The following PRKCA variants were observed in gnomAD, a reference collection of about 807,000 sequenced individuals.
PRKCA encodes protein kinase C alpha.
A neutral mutation model predicts 87.0 loss-of-function variants in PRKCA; 27 were observed. The observed-to-expected ratio is 0.31, with a 90% CI of 0.23 to 0.43. The LOEUF (loss-of-function observed/expected upper bound fraction) is 0.43. PRKCA is among the 20% of genes least tolerant of loss of function. The pLI, the probability that PRKCA is intolerant of heterozygous loss-of-function variation, is 1.00. For missense variants in PRKCA, 518 were observed against 852.3 expected (o/e 0.61, Z 4.88); for synonymous variants, 329 against 311.1 (o/e 1.06, Z -0.61).
intron 8 of PRKCA, among the ~76,000 whole-genome samples, chr17:66,721,431 G>A (rs1046266014): frequency 3.3e-5 from 5 of 151,624 alleles, no homozygotes; most frequent in African/African-American, 1.2e-4. Flanking sequence ...TACTCCATAG[G>A]CAGAGCAACC....
At chr17:66,503,457 G>A (rs925619315) in intron 3 of PRKCA, among the ~76,000 whole-genome samples, 3 of 152,110 alleles carry the variant, frequency 2.0e-5, no homozygotes, top group Non-Finnish European at 4.4e-5. Flanking sequence ...TAAAAGATAG[G>A]GAGGCTTGCT....
intron 16 of PRKCA, chr17:66,796,766 A>G (rs1055782156): frequency 7.1e-6 from 7 of 985,396 alleles, no homozygotes; most frequent in Non-Finnish European, 8.4e-6. Flanking sequence ...ACCACAAGTC[A>G]GAGAGCTGTG....
At chr17:66,655,883 A>C (rs1351314439) in intron 5 of PRKCA, among the ~76,000 whole-genome samples, 1 of 152,198 alleles carries the variant, frequency 6.6e-6, no homozygotes, top group African/African-American at 2.4e-5. Flanking sequence ...GATCCTTTAG[A>C]GAAACATCTA....
At chr17:66,770,898 A>G (rs891714997) in intron 13 of PRKCA, among the ~76,000 whole-genome samples, 1 of 152,158 alleles carries the variant, frequency 6.6e-6, no homozygotes, top group Non-Finnish European at 1.5e-5. Flanking sequence ...GTGTCTGGGA[A>G]GATAACTGGG....
chr17:66,333,787 T>C (rs1372440793), intron 2 of PRKCA, among the ~76,000 whole-genome samples: 1 of 152,144 alleles, frequency 6.6e-6, no homozygotes, highest in East Asian at 1.9e-4. Context: ...CTAGTCTTTC[T>C]TCCTACTGGA....
chr17:66,589,134 A>G (rs189691343), intron 3 of PRKCA, among the ~76,000 whole-genome samples: 22 of 152,232 alleles, frequency 1.4e-4, no homozygotes, highest in Admixed American at 1.4e-3. Context: ...TATGACCCAT[A>G]AAAGACTTAG....
chr17:66,765,454 A>ATATATATC lies in PRKCA; in HGVS notation c.1525-8532_1525-8531insATATATCT, dbSNP rs1218360664. 8.9e-3 allele frequency among the ~76,000 whole-genome samples: 1,155 copies of ATATATATC among 129,950 alleles called. 23 individuals carry two copies. The highest frequency in any genetic ancestry group is 0.011 in the African/African-American group (365 of 34,692). 85.3% of individuals were successfully genotyped at this position (129,950 alleles called of 152,430 possible). Reference sequence around the variant, plus strand: ...TATATATATATATATATATATATATATCCATATATATACATATTTGTCCAT... The same window carrying ATATATATC: ...TATATATATATATATATATATATATATATATATCTCCATATATATACATATTTGTCCAT... On this transcript the variant is annotated intron_variant, in intron 13 of 16. Coordinates refer to ENST00000413366, the MANE Select transcript of PRKCA (RefSeq NM_002737.3).
chr17:66,524,644 A>G (rs139523551), intron 3 of PRKCA, among the ~76,000 whole-genome samples: 33 of 152,252 alleles, frequency 2.2e-4, no homozygotes, highest in African/African-American at 7.5e-4. Flanking sequence ...CTTGCCTTTT[A>G]TGGGCCAGGT....
intron 2 of PRKCA, among the ~76,000 whole-genome samples, chr17:66,320,549 G>T (rs1168936523): frequency 6.6e-6 from 1 of 152,010 alleles, no homozygotes; most frequent in African/African-American, 2.4e-5. Flanking sequence ...ATAATTTATA[G>T]GTGAACAGTC....
At chr17:66,698,743 G>A (rs1972988751) in intron 8 of PRKCA, among the ~76,000 whole-genome samples, 1 of 151,474 alleles carries the variant, frequency 6.6e-6, no homozygotes, top group Admixed American at 6.6e-5. Context: ...GGAGACTGAG[G>A]CAGGTGGATC....
At chr17:66,385,413 A>G (rs547568134) in intron 2 of PRKCA, among the ~76,000 whole-genome samples, 1 of 152,198 alleles carries the variant, frequency 6.6e-6, no homozygotes, top group South Asian at 2.1e-4. Context: ...TCATCCACAC[A>G]TAGATGTGGG....
At chr17:66,520,354 C>G (rs921155681) in intron 3 of PRKCA, among the ~76,000 whole-genome samples, 1 of 152,022 alleles carries the variant, frequency 6.6e-6, no homozygotes, top group Non-Finnish European at 1.5e-5. Context: ...CTCCTGACCT[C>G]AGGTGATCCA....
chr17:66,664,091 C>T (rs1971978087), intron 5 of PRKCA, among the ~76,000 whole-genome samples: 1 of 152,130 alleles, frequency 6.6e-6, no homozygotes, highest in African/African-American at 2.4e-5. Context: ...AGGTCTCGAA[C>T]TCCTGGCCTC....
intron 2 of PRKCA, among the ~76,000 whole-genome samples, chr17:66,339,525 T>C (rs1906909779): frequency 6.6e-6 from 1 of 152,208 alleles, no homozygotes; most frequent in African/African-American, 2.4e-5. Flanking sequence ...ACAGTTTTCC[T>C]AGAGTTATTG....
rs1974931426 is a variant in PRKCA, at chr17:66,771,436, TAAAC to T, written c.1525-2546_1525-2543del. Among the ~76,000 whole-genome samples the T allele has an allele frequency of 2.0e-5, 3 of 152,184 alleles. No individual in the cohort carries two copies. In the South Asian group the frequency reaches 6.2e-4, roughly 31 times the overall value. On this transcript the variant is annotated intron_variant, in intron 13 of 16. Coordinates refer to ENST00000413366, the MANE Select transcript of PRKCA (RefSeq NM_002737.3). ...AAGATACTCATGATATATTATTAAA[TAAAC>T]AAACTGACCACAAAATAGCAGGCTC...
intron 13 of PRKCA, among the ~76,000 whole-genome samples, chr17:66,773,761 C>CA (rs1974989578): frequency 6.6e-6 from 1 of 152,074 alleles, no homozygotes; most frequent in South Asian, 2.1e-4. Context: ...CAGGTGGATT[C>CA]AGAACAAGAT....
intron 2 of PRKCA, among the ~76,000 whole-genome samples, chr17:66,332,547 C>T (rs1906397655): frequency 6.6e-6 from 1 of 152,034 alleles, no homozygotes; most frequent in Admixed American, 6.6e-5. Flanking sequence ...TTCAAAGCCT[C>T]TGCTATGGAG....
At chr17:66,333,023 A>G (rs983687450) in intron 2 of PRKCA, among the ~76,000 whole-genome samples, 6 of 152,138 alleles carry the variant, frequency 3.9e-5, no homozygotes, top group African/African-American at 1.4e-4. Flanking sequence ...TTTGTTTGTG[A>G]TTTAAGAATC....
chr17:66,561,573 A>AG (rs1397666532), intron 3 of PRKCA, among the ~76,000 whole-genome samples: 3 of 152,216 alleles, frequency 2.0e-5, no homozygotes, highest in African/African-American at 7.2e-5. Context: ...ATATAGACCC[A>AG]GAAGAGGGTC....
Sources: gnomAD v4.1 joint callset for allele counts (sites outside exome capture counted in the v4.1 genomes callset) on GRCh38, gnomAD v4.1.1 for gene constraint, MANE v1.5 for transcripts, NCBI Gene and HGNC (gene_info 2026-07-23, HGNC 2026-07-21) for gene names.